Variants in ANKS1B observed in about 807,000 individuals in gnomAD.
ANKS1B encodes the protein ankyrin repeat and sterile alpha motif domain containing 1B, also known as ankyrin repeat and sterile alpha motif domain-containing protein 1B.
A neutral mutation model predicts 148.3 loss-of-function variants in ANKS1B; 36 were observed. That is an observed-to-expected ratio of 0.24 (90% CI 0.19 to 0.32). ANKS1B has a LOEUF of 0.32. Ranked by LOEUF, ANKS1B falls within the 10% of genes least tolerant of loss-of-function variation. The pLI, the probability that ANKS1B is intolerant of heterozygous loss-of-function variation, is 1.00. For synonymous variants in ANKS1B, 542 were observed against 560.8 expected (o/e 0.97, Z 0.47); for missense variants, 1,157 against 1,542.6 (o/e 0.75, Z 4.19).
chr12:99,194,825 A>ATTT (rs2081197584), intron 14 of ANKS1B, among the ~76,000 whole-genome samples: 1 of 152,166 alleles, frequency 6.6e-6, no homozygotes, highest in African/African-American at 2.4e-5. Flanking sequence ...TTTCTTCAAA[A>ATTT]TAATCCTGTG....
At chr12:99,633,914 G>A (rs983637203) in intron 9 of ANKS1B, among the ~76,000 whole-genome samples, 3 of 152,196 alleles carry the variant, frequency 2.0e-5, no homozygotes, top group Admixed American at 2.0e-4. Context: ...CCATATGCCT[G>A]TATAACACCA....
Position 99,499,107 on chromosome 12 carries a change from C to T in ANKS1B, c.1438+5369G>A, listed in dbSNP as rs75642223. 4.7e-3 allele frequency among the ~76,000 whole-genome samples: 714 copies of T among 152,246 alleles called. 3 individuals are homozygous for T. The highest frequency in any genetic ancestry group is 0.015 in the African/African-American group (639 of 41,546). On this transcript the variant is annotated intron_variant, in intron 10 of 26. Coordinates refer to ENST00000683438, the MANE Select transcript of ANKS1B (RefSeq NM_001352186.2). ...TGATGCTCTCCTCTACCTGCTATGG[C>T]GCTTATTGGGGGCAATTCTGTGGGG...
chr12:98,919,886 T>A (rs1049624295), intron 17 of ANKS1B, among the ~76,000 whole-genome samples: 1 of 152,154 alleles, frequency 6.6e-6, no homozygotes, highest in Non-Finnish European at 1.5e-5. Flanking sequence ...AGGGGGATAC[T>A]CTCAAGAGTG....
At chr12:98,920,301 T>C (rs1200269883) in intron 17 of ANKS1B, among the ~76,000 whole-genome samples, 2 of 152,226 alleles carry the variant, frequency 1.3e-5, no homozygotes, top group East Asian at 3.8e-4. Context: ...AATTGTTGGT[T>C]GAAGGTGAGT....
rs947525924 is a variant in ANKS1B, at chr12:99,902,671, T to C, written c.135-77282A>G. ...TATATGGTGATCTATTGATTGAGAC[T>C]ACAAAGATTAGGCAAAAGTCAGGGT... is the stretch of plus-strand genomic sequence containing the variant. On this transcript the variant is annotated intron_variant, in intron 1 of 26. Coordinates refer to ENST00000683438, the MANE Select transcript of ANKS1B (RefSeq NM_001352186.2). Among the ~76,000 whole-genome samples the C allele has an allele frequency of 4.6e-5, 7 of 152,016 alleles. No homozygotes were observed. The South Asian group carries it at 6.2e-4, about 14-fold the overall frequency.
chr12:99,731,601 C>T (rs2059167383), intron 8 of ANKS1B, among the ~76,000 whole-genome samples: 1 of 152,024 alleles, frequency 6.6e-6, no homozygotes, highest in South Asian at 2.1e-4. Flanking sequence ...AAAAATGGTT[C>T]TAGACAATGA....
chr12:99,032,296 C>G (rs994221023), intron 17 of ANKS1B, among the ~76,000 whole-genome samples: 1 of 152,178 alleles, frequency 6.6e-6, no homozygotes, highest in Non-Finnish European at 1.5e-5. Context: ...TTACCATAAA[C>G]TGGGTGGCTT....
intron 8 of ANKS1B, among the ~76,000 whole-genome samples, chr12:99,750,320 G>T (rs1335051589): frequency 6.6e-6 from 1 of 151,954 alleles, no homozygotes. Context: ...AGTAAAACTT[G>T]AAATTGCATT....
intron 15 of ANKS1B, among the ~76,000 whole-genome samples, chr12:99,128,905 A>C (rs1269396574): frequency 6.6e-6 from 1 of 152,208 alleles, no homozygotes; most frequent in Non-Finnish European, 1.5e-5. Context: ...CATCCTGGAG[A>C]ATAGAGCCAC....
chr12:99,464,896 A>C (rs1034972446), intron 10 of ANKS1B, among the ~76,000 whole-genome samples: 2 of 152,240 alleles, frequency 1.3e-5, no homozygotes, highest in African/African-American at 4.8e-5. Context: ...GAACTTCCCC[A>C]ATCTAGCAAG....
At chr12:99,503,203 G>C (rs1316836487) in intron 10 of ANKS1B, among the ~76,000 whole-genome samples, 1 of 152,180 alleles carries the variant, frequency 6.6e-6, no homozygotes. Context: ...AGGATTACAG[G>C]CATGAGGTAG....
intron 12 of ANKS1B, among the ~76,000 whole-genome samples, chr12:99,294,987 G>A (rs1455504132): frequency 2.0e-5 from 3 of 152,164 alleles, no homozygotes; most frequent in African/African-American, 7.2e-5. Context: ...AATAATAAAT[G>A]CTTGAGGGGA....
chr12:99,198,616 A>C (rs1267509432), intron 14 of ANKS1B, among the ~76,000 whole-genome samples: 1 of 152,202 alleles, frequency 6.6e-6, no homozygotes, highest in Non-Finnish European at 1.5e-5. Flanking sequence ...AATTGGTTGT[A>C]ATCAATCTTT....
chr12:99,154,854 C>T (rs1221440289), intron 14 of ANKS1B: 8 of 1,532,266 alleles, frequency 5.2e-6, no homozygotes, highest in African/African-American at 1.4e-5. Context: ...CTCGCTCGCT[C>T]CCCTTCATTA....
Position 98,735,528 on chromosome 12 carries a change from G to A in ANKS1B, c.*32C>T, listed in dbSNP as rs746537250. On this transcript the variant is annotated 3_prime_UTR_variant, in exon 10 of 10. Transcript: ENST00000341752. Reference sequence around the variant, plus strand: ...CTAAATACATCAACCTTTCTATTTAGGCTTTATCAGCTATATGTAAATTCA... The same window carrying A: ...CTAAATACATCAACCTTTCTATTTAAGCTTTATCAGCTATATGTAAATTCA... 5.5e-6 allele frequency: 4 copies of A among 732,208 alleles called. No homozygotes were observed. The South Asian group carries it at 5.9e-5, about 11-fold the overall frequency. 45.4% of individuals were successfully genotyped at this position (732,208 alleles called of 1,614,324 possible).
At chr12:98,987,607 G>C (rs2099924224) in intron 17 of ANKS1B, among the ~76,000 whole-genome samples, 1 of 152,280 alleles carries the variant, frequency 6.6e-6, no homozygotes, top group African/African-American at 2.4e-5. Context: ...GGGTACTCCA[G>C]AGATAGCAGG....
chr12:99,464,404 T>C (rs2096058787), intron 10 of ANKS1B, among the ~76,000 whole-genome samples: 1 of 152,030 alleles, frequency 6.6e-6, no homozygotes, highest in Non-Finnish European at 1.5e-5. Context: ...TCCAAAGGAA[T>C]GCAGTTCCTC....
At chr12:99,778,123 C>T (rs764111472) in intron 6 of ANKS1B, among the ~76,000 whole-genome samples, 4 of 151,734 alleles carry the variant, frequency 2.6e-5, no homozygotes, top group Admixed American at 2.0e-4. Context: ...TGGTGTGAAC[C>T]GGGGAGGCAG....
At chr12:99,948,508 C>G (rs1251341706) in intron 1 of ANKS1B, among the ~76,000 whole-genome samples, 2 of 152,156 alleles carry the variant, frequency 1.3e-5, no homozygotes, top group Non-Finnish European at 1.5e-5. Context: ...AAAAGTTCCT[C>G]CAGATGGTTA....
Sources: gnomAD v4.1 joint callset for allele counts (sites outside exome capture counted in the v4.1 genomes callset) on GRCh38, gnomAD v4.1.1 for gene constraint, MANE v1.5 for transcripts, NCBI Gene and HGNC (gene_info 2026-07-23, HGNC 2026-07-21) for gene names.